LRRC28: variants seen among roughly 807,000 people sequenced by gnomAD.
LRRC28 encodes the protein leucine-rich repeat-containing protein 28.
LRRC28 carries 39 observed loss-of-function variants against 45.7 expected under a neutral mutation model. That is an observed-to-expected ratio of 0.85 (90% confidence interval 0.66 to 1.12). LRRC28 has a LOEUF of 1.12. LRRC28 is among the 50% of genes most tolerant of loss of function. LRRC28 has a pLI of 0.00. For missense variants in LRRC28, 435 were observed against 438.5 expected (o/e 0.99, Z 0.07); for synonymous variants, 206 against 178.8 (o/e 1.15, Z -1.22).
chr15:99,305,955 C>T (rs920689155), intron 5 of LRRC28, among the ~76,000 whole-genome samples: 1 of 152,164 alleles, frequency 6.6e-6, no homozygotes, highest in Non-Finnish European at 1.5e-5. Flanking sequence ...AGAAATTAAG[C>T]CTTGAGTGGT....
intron 7 of LRRC28, chr15:99,355,743 A>C (rs1240982246): frequency 6.6e-6 from 1 of 151,646 alleles, no homozygotes; most frequent in Admixed American, 6.6e-5. Flanking sequence ...ATGTAAGAAA[A>C]AAAAAAAAAA....
chr15:99,387,233 T>A lies in LRRC28; in HGVS notation c.*1131T>A, dbSNP rs531593755. 14 of 149,360 alleles carry A rather than the reference T, an allele frequency of 9.4e-5. No homozygotes were observed. The highest frequency in any genetic ancestry group is 3.0e-4 in the African/African-American group (12 of 40,520). 9.3% of individuals were successfully genotyped at this position (149,360 alleles called of 1,614,324 possible). On this transcript the variant is annotated 3_prime_UTR_variant, in exon 10 of 10. Transcript: ENST00000301981. ...CCGCCACCACGCCCGGCTAATTTTT[T>A]GTATTTTTAGTAGAGACGGGGTTTC... is the stretch of plus-strand genomic sequence containing the variant.
rs146875522 is a variant in LRRC28 at position 99,379,322 on chromosome 15, C to T, written c.1032-6708C>T. On this transcript the variant is annotated intron_variant, in intron 9 of 9. Transcript: ENST00000301981. ...TCTTCTAGATTTTCTAGTTTATTTG[C>T]GTAGAGGTGTTAATTATAGTATTCT... Among the ~76,000 whole-genome samples, 13 of 152,244 alleles carry T rather than the reference C, an allele frequency of 8.5e-5. No homozygotes were observed. In the South Asian group the frequency reaches 1.0e-3, roughly 12 times the overall value.
intron 8 of LRRC28, 85 bp from the exon 9 acceptor site, chr15:99,363,021 T>C: frequency 7.0e-7 from 1 of 1,426,582 alleles, no homozygotes; most frequent in Non-Finnish European, 9.4e-7. Flanking sequence ...TAACTGAACT[T>C]ATTTGGTAAC....
chr15:99,277,464 C>A (rs2081649152), intron 3 of LRRC28, among the ~76,000 whole-genome samples: 1 of 152,194 alleles, frequency 6.6e-6, no homozygotes, highest in East Asian at 1.9e-4. Flanking sequence ...TCTGCCCCCT[C>A]CCCCAAGCTG....
chr15:99,323,255 G>C (rs572127607), intron 5 of LRRC28, among the ~76,000 whole-genome samples: 1 of 152,180 alleles, frequency 6.6e-6, no homozygotes, highest in Non-Finnish European at 1.5e-5. Flanking sequence ...CTGCTTATTT[G>C]CAGTGACCAG....
chr15:99,287,779 C>A, intron 4 of LRRC28, 35 bp from the exon 5 acceptor site: 2 of 1,564,410 alleles, frequency 1.3e-6, no homozygotes. Flanking sequence ...ATACTTGAGT[C>A]AAATTCATTT....
intron 3 of LRRC28, chr15:99,287,001 T>A: frequency 2.9e-6 from 1 of 339,218 alleles, no homozygotes; most frequent in Non-Finnish European, 5.4e-6. Context: ...GTTTATCCAT[T>A]ATGTATGCTT....
At chr15:99,311,187 T>C (rs1483857817) in intron 5 of LRRC28, among the ~76,000 whole-genome samples, 1 of 152,184 alleles carries the variant, frequency 6.6e-6, no homozygotes, top group Non-Finnish European at 1.5e-5. Flanking sequence ...TGGAATAAAC[T>C]ATGTGTTGTG....
chr15:99,382,854 A>G (rs533949856), intron 9 of LRRC28, among the ~76,000 whole-genome samples: 1 of 151,712 alleles, frequency 6.6e-6, no homozygotes, highest in African/African-American at 2.4e-5. Flanking sequence ...ACTTATACTA[A>G]TTTTCTATCT....
intron 8 of LRRC28, 36 bp downstream of exon 8, chr15:99,361,547 T>G: frequency 6.5e-7 from 1 of 1,539,420 alleles, no homozygotes; most frequent in Non-Finnish European, 8.7e-7. Context: ...TTTTTCTCTC[T>G]CATTTAGTGA....
chr15:99,378,903 G>T (rs891517895), intron 9 of LRRC28, among the ~76,000 whole-genome samples: 6 of 152,152 alleles, frequency 3.9e-5, no homozygotes, highest in Non-Finnish European at 8.8e-5. Flanking sequence ...CTTGATCATG[G>T]TGGATAAGCT....
At chr15:99,279,658 G>A (rs2081726087) in intron 3 of LRRC28, among the ~76,000 whole-genome samples, 1 of 152,198 alleles carries the variant, frequency 6.6e-6, no homozygotes, top group African/African-American at 2.4e-5. Context: ...TAGGACTAGA[G>A]CAAGCGAAAA....
At chr15:99,307,566 G>C (rs1955231614) in intron 5 of LRRC28, among the ~76,000 whole-genome samples, 1 of 152,182 alleles carries the variant, frequency 6.6e-6, no homozygotes, top group Admixed American at 6.5e-5. Flanking sequence ...AAATGTAAAA[G>C]TTGTTACATA....
chr15:99,261,552 CT>C (rs1161172762), intron 2 of LRRC28, among the ~76,000 whole-genome samples: 1 of 152,272 alleles, frequency 6.6e-6, no homozygotes, highest in Non-Finnish European at 1.5e-5. Context: ...TCCCCGACCT[CT>C]TTTAAAGGAC....
intron 9 of LRRC28, among the ~76,000 whole-genome samples, chr15:99,381,481 C>G (rs1379186394): frequency 6.6e-6 from 1 of 152,212 alleles, no homozygotes; most frequent in African/African-American, 2.4e-5. Flanking sequence ...GTTCGAACTT[C>G]CTCCTTTAGC....
At chr15:99,257,342 T>C (rs1451065918) in intron 2 of LRRC28, among the ~76,000 whole-genome samples, 3 of 152,220 alleles carry the variant, frequency 2.0e-5, no homozygotes, top group Non-Finnish European at 4.4e-5. Flanking sequence ...TAGTACTTTT[T>C]AACCCTTTAA....
intron 3 of LRRC28, chr15:99,284,476 A>G (rs2152201829): frequency 4.5e-6 from 2 of 442,402 alleles, no homozygotes; most frequent in East Asian, 6.9e-5. Flanking sequence ...ATACATGAGT[A>G]TTTGTCTAAA....
At position 99,352,447 on chromosome 15, in the gene LRRC28, A is replaced by G. The variant is rs754578749; in HGVS notation, c.671A>G (p.Tyr224Cys). The G allele has an allele frequency of 1.2e-6, 2 of 1,613,926 alleles. No individual in the cohort carries two copies. Among genetic ancestry groups the G allele is most frequent in the Non-Finnish European group, 1.7e-6 (2 of 1,179,904 alleles). The change falls in exon 7 of 10, where the codon TAC becomes TGC. Residue 224 changes from tyrosine (Y) to cysteine (C), a missense_variant. Coordinates refer to ENST00000301981, the MANE Select transcript of LRRC28 (RefSeq NM_144598.5). ...IHLKGLPSYL[Y>C]NKVIGCSGCG... ...CTGAAAGGCTTGCCATCTTATCTGT[A>G]CAATAAAGTCATCGGGTGCAGTGGG...
Sources: gnomAD v4.1 joint callset for allele counts (sites outside exome capture counted in the v4.1 genomes callset) on GRCh38, gnomAD v4.1.1 for gene constraint, MANE v1.5 for transcripts, NCBI Gene and HGNC (gene_info 2026-07-23, HGNC 2026-07-21) for gene names.